The following SMAD4 variants were observed in gnomAD, a reference collection of about 807,000 sequenced individuals.
SMAD4 encodes the protein SMAD family member 4.
SMAD4 carries 7 observed loss-of-function variants against 63.2 expected under a neutral mutation model. The observed-to-expected ratio is 0.11, with a 90% CI of 0.06 to 0.21. The LOEUF is 0.21. SMAD4 is among the 10% of genes least tolerant of loss of function. The probability of loss-of-function intolerance (pLI) is 1.00; values close to 1 mark genes in which losing one functional copy is unlikely to be tolerated. For synonymous variants in SMAD4, 215 were observed against 235.4 expected, an observed-to-expected ratio of 0.91 and a Z score of 0.79; for missense variants, 312 against 693.8, an observed-to-expected ratio of 0.45 and a Z score of 6.18.
intron 7 of SMAD4, 113 bp from the exon 8 acceptor site, chr18:51,059,753 T>C: frequency 2.5e-6 from 2 of 809,014 alleles, no homozygotes; most frequent in Non-Finnish European, 4.2e-6. Flanking sequence ...CATAAGCTTG[T>C]TTTAAACAAT....
At position 51,081,370 on chromosome 18, in the gene SMAD4, C is replaced by T. The variant is rs1260106404; in HGVS notation, c.*2903C>T. ...TCAAAGGGAATCCTTCATGGTGTTG[C>T]CTTTATTTTCCGGGGAGTAGATCGT... On this transcript the variant is annotated 3_prime_UTR_variant, in exon 12 of 12. Coordinates refer to ENST00000342988, the MANE Select transcript of SMAD4 (RefSeq NM_005359.6). 1.7e-5 allele frequency: 4 copies of T among 229,486 alleles called. No homozygotes were observed. The highest frequency in any genetic ancestry group is 5.7e-5 in the Admixed American group (1 of 17,644). 14.2% of individuals were successfully genotyped at this position (229,486 alleles called of 1,614,324 possible).
intron 1 of SMAD4, among the ~76,000 whole-genome samples, chr18:51,042,968 TTTG>T (rs1251773082): frequency 6.6e-6 from 1 of 152,252 alleles, no homozygotes; most frequent in Non-Finnish European, 1.5e-5. Flanking sequence ...AGCTGTCACA[TTTG>T]TAATGATTCT....
Position 51,065,568 on chromosome 18 carries a change from C to A in SMAD4, c.1101C>A (p.Leu367=), listed in dbSNP as rs765051479. The change falls in exon 9 of 12, where the codon CTC becomes CTA. Residue 367 remains leucine, a synonymous_variant. Coordinates refer to ENST00000342988, the MANE Select transcript of SMAD4 (RefSeq NM_005359.6). ...GAGATCGCTTTTGTTTGGGTCAACT[C>A]TCCAATGTCCACAGGACAGAAGCCA... The part of the protein sequence containing the change: ...SGGDRFCLGQ[L]SNVHRTEAIE... The A allele has an allele frequency of 2.5e-6, 4 of 1,614,194 alleles. No individual in the cohort carries two copies. The highest frequency in any genetic ancestry group is 3.4e-6 in the Non-Finnish European group (4 of 1,180,032).
chr18:51,065,300 G>GC, intron 8 of SMAD4, 123 bp from the exon 9 acceptor site: 1 of 782,864 alleles, frequency 1.3e-6, no homozygotes, highest in South Asian at 1.4e-5. Flanking sequence ...TGTTTTGGGT[G>GC]CATTACATTT....
At chr18:51,051,361 C>T (rs992070551) in intron 4 of SMAD4, 1 of 456,118 alleles carries the variant, frequency 2.2e-6, no homozygotes, top group Non-Finnish European at 4.4e-6. Context: ...CAGAAAACAA[C>T]TGGTATTTCT....
intron 8 of SMAD4, among the ~76,000 whole-genome samples, chr18:51,060,894 T>TTTAC (rs1909993142): frequency 6.6e-6 from 1 of 151,152 alleles, no homozygotes; most frequent in African/African-American, 2.5e-5. Context: ...AATAATTTTA[T>TTTAC]TTATTTATTT....
chr18:51,073,386 T>TATATATATATATATAC (rs1785322572), intron 10 of SMAD4, among the ~76,000 whole-genome samples: 1 of 82,076 alleles, frequency 1.2e-5, no homozygotes, highest in African/African-American at 5.3e-5. Flanking sequence ...TATATATATA[T>TATATATATATATATAC]ATACACACAC....
rs777049307 is a variant in SMAD4, at chr18:51,048,664, A to T, written c.250-22A>T. On this transcript the variant is annotated intron_variant, in intron 2 of 11. Coordinates refer to ENST00000342988, the MANE Select transcript of SMAD4 (RefSeq NM_005359.6). Reference sequence around the variant, plus strand: ...GTCTTGCATAATGTGACACATGAATAAATGGTCGTTTATTTTTCTAGGTGG... The same window carrying T: ...GTCTTGCATAATGTGACACATGAATTAATGGTCGTTTATTTTTCTAGGTGG... The T allele has an allele frequency of 1.7e-5, 27 of 1,611,112 alleles. No homozygotes were observed. The African/African-American group carries it at 3.6e-4, about 21-fold the overall frequency.
intron 1 of SMAD4, among the ~76,000 whole-genome samples, chr18:51,035,133 C>T (rs886956523): frequency 2.0e-5 from 3 of 152,188 alleles, no homozygotes; most frequent in East Asian, 3.8e-4. Context: ...TGCTTTGCTT[C>T]TGTGTCTGTC....
chr18:51,066,296 A>G (rs1437003071), intron 9 of SMAD4, among the ~76,000 whole-genome samples: 2 of 151,068 alleles, frequency 1.3e-5, no homozygotes, highest in Non-Finnish European at 2.9e-5. Context: ...GTGAGCTGAG[A>G]TCGTGCCACT....
rs1203514974 is a variant in SMAD4, at chr18:51,067,203, A to G, written c.1308+16A>G. On this transcript the variant is annotated intron_variant, in intron 10 of 11. Coordinates refer to ENST00000342988, the MANE Select transcript of SMAD4 (RefSeq NM_005359.6). ...ATATATAAAGGTTAGTTACAATTTTATTTGAATATTTTAGACTTAAAGCTC... is the reference window on the plus strand; with the variant it reads ...ATATATAAAGGTTAGTTACAATTTTGTTTGAATATTTTAGACTTAAAGCTC... 6.9e-7 allele frequency: 1 copy of G among 1,439,852 alleles called. No individual in the cohort carries two copies. Among genetic ancestry groups the G allele is most frequent in the East Asian group, 2.3e-5 (1 of 44,008 alleles). 89.2% of individuals were successfully genotyped at this position (1,439,852 alleles called of 1,614,324 possible).
intron 4 of SMAD4, chr18:51,053,775 A>G (rs1326600718): frequency 6.6e-6 from 1 of 152,166 alleles, no homozygotes; most frequent in East Asian, 1.9e-4. Flanking sequence ...CTGGTTCTTA[A>G]TGAAAAAGGG....
chr18:51,052,022 G>A (rs1599184999), intron 4 of SMAD4, among the ~76,000 whole-genome samples: 1 of 151,640 alleles, frequency 6.6e-6, no homozygotes, highest in South Asian at 2.1e-4. Flanking sequence ...CATGTTGGCC[G>A]GCTGGTCTCG....
intron 4 of SMAD4, among the ~76,000 whole-genome samples, chr18:51,051,595 G>T (rs914518937): frequency 2.6e-5 from 4 of 152,132 alleles, no homozygotes; most frequent in Non-Finnish European, 5.9e-5. Flanking sequence ...AGGTTCCAGG[G>T]ATGCTTAGAT....
chr18:51,062,327 A>G (rs1910035217), intron 8 of SMAD4, among the ~76,000 whole-genome samples: 4 of 152,134 alleles, frequency 2.6e-5, no homozygotes, highest in African/African-American at 4.8e-5. Flanking sequence ...ACTAAAACCA[A>G]TACTCATGTA....
intron 4 of SMAD4, among the ~76,000 whole-genome samples, chr18:51,052,163 A>C (rs938584871): frequency 6.6e-6 from 1 of 152,174 alleles, no homozygotes; most frequent in African/African-American, 2.4e-5. Context: ...CTCTAAAAAT[A>C]TGGTTAAATA....
At chr18:51,047,345 A>C (rs2144402305) in intron 2 of SMAD4, 50 bp downstream of exon 2, 1 of 1,563,226 alleles carries the variant, frequency 6.4e-7, no homozygotes, top group Admixed American at 1.7e-5. Flanking sequence ...CAGATTTAAA[A>C]ACTTGCTACG....
chr18:51,073,391 A>ATATAT (rs1223048001), intron 10 of SMAD4, among the ~76,000 whole-genome samples: 23 of 55,694 alleles, frequency 4.1e-4, no homozygotes, highest in Non-Finnish European at 7.2e-4. Context: ...ATATATATAC[A>ATATAT]CACACACACA....
In SMAD4 at chr18:51,042,301, TTCCCTCCCTCCC is replaced by T. The variant is rs1160836350; in HGVS notation, c.-127-4600_-127-4589del. On this transcript the variant is annotated intron_variant, in intron 1 of 11. Coordinates refer to ENST00000342988, the MANE Select transcript of SMAD4 (RefSeq NM_005359.6). ...CTTGCCTGCCTGCCTCCCTCCCTCC[TTCCCTCCCTCCC>T]TCCCTCCCTCCCTCCCTCTCTCCCT... Among the ~76,000 whole-genome samples the T allele has an allele frequency of 2.8e-3, 171 of 60,744 alleles. 1 individual carries two copies. The highest frequency in any genetic ancestry group is 7.4e-3 in the African/African-American group (146 of 19,822). The allele number at this position is 60,744 out of a possible 152,430, so 39.9% of individuals were successfully genotyped here.
Sources: gnomAD v4.1 joint callset for allele counts (sites outside exome capture counted in the v4.1 genomes callset) on GRCh38, gnomAD v4.1.1 for gene constraint, MANE v1.5 for transcripts, NCBI Gene and HGNC (gene_info 2026-07-23, HGNC 2026-07-21) for gene names.